VRTN: variants seen among roughly 807,000 people sequenced by gnomAD.
VRTN encodes vertnin.
VRTN carries 5 observed loss-of-function variants against 18.2 expected under a neutral mutation model. The observed-to-expected ratio is 0.27, with a 90% CI of 0.14 to 0.58. The LOEUF is 0.58. VRTN is among the 20% of genes least tolerant of loss of function. The pLI is 0.91. For synonymous variants in VRTN, 381 were observed against 393.7 expected (o/e 0.97, Z 0.38); for missense variants, 741 against 939.4 (o/e 0.79, Z 2.76).
At chr14:74,354,265 G>C (rs1275477772) in intron 1 of VRTN, among the ~76,000 whole-genome samples, 1 of 152,104 alleles carries the variant, frequency 6.6e-6, no homozygotes, top group Non-Finnish European at 1.5e-5. Flanking sequence ...GAAAAAGGAG[G>C]AGTATTTTGA....
At chr14:74,338,504 T>TC (rs2085580010) in intron 2 of VRTN, among the ~76,000 whole-genome samples, 1 of 152,212 alleles carries the variant, frequency 6.6e-6, no homozygotes, top group Non-Finnish European at 1.5e-5. Context: ...TTGTGTGTCT[T>TC]CCACAGAGCT....
Position 74,340,191 on chromosome 14 carries a change from C to A in VRTN, c.-2+2307C>A, listed in dbSNP as rs536704342. ...GCAAGGGCACGATCTCAGCTCACCG[C>A]AACCTCCGCCTCCCAGGTTCAAGCG... On this transcript the variant is annotated intron_variant, in intron 2 of 2. Transcript: ENST00000557177. Among the ~76,000 whole-genome samples the A allele has an allele frequency of 4.8e-4, 73 of 151,682 alleles. 1 individual carries two copies. The highest frequency in any genetic ancestry group is 6.8e-4 in the Non-Finnish European group (46 of 67,972).
chr14:74,357,363 C>G lies in VRTN; in HGVS notation c.580C>G (p.Arg194Gly). The G allele has an allele frequency of 6.2e-7, 1 of 1,613,962 alleles. No individual in the cohort carries two copies. Among genetic ancestry groups the G allele is most frequent in the Non-Finnish European group, 8.5e-7 (1 of 1,180,032 alleles). The change falls in exon 2 of 2, where the codon CGC (arginine) becomes GGC (glycine). Residue 194 changes from arginine (R) to glycine (G), a missense_variant. Physicochemically the swap from Arg to Gly is moderately radical, Grantham distance 125. Around this residue, in one of 3 missense-constraint regions of VRTN, gnomAD observed 186 missense variants for 288.3 expected, o/e 0.65. Transcript: ENST00000256362. This position sits in a 1 kb window ranked among gnomAD's most constrained non-coding sequence, Gnocchi z 7.8. The part of the protein sequence containing the change: ...QRNIYSIYPM[R>G]NLKIRPYFNR... ...GAACATCTACTCCATCTACCCCATGCGCAACCTCAAGATCCGGCCCTACTT... is the reference window on the plus strand; with the variant it reads ...GAACATCTACTCCATCTACCCCATGGGCAACCTCAAGATCCGGCCCTACTT...
At position 74,309,476 on chromosome 14, in the gene VRTN, C is replaced by T. The variant is rs115319072; in HGVS notation, c.-164+6300C>T. Among the ~76,000 whole-genome samples the T allele has an allele frequency of 8.2e-3, 1,242 of 152,286 alleles. 10 individuals carry two copies. Among genetic ancestry groups the T allele is most frequent in the African/African-American group, 0.028 (1,180 of 41,552 alleles). ...GCACAAATGTAAACCAAATCAACAGCCCACTTAAAGCTCTTAAGTGATTCT... is the reference window on the plus strand; with the variant it reads ...GCACAAATGTAAACCAAATCAACAGTCCACTTAAAGCTCTTAAGTGATTCT... On this transcript the variant is annotated intron_variant, in intron 1 of 2. Coordinates refer to the VRTN transcript ENST00000557177.
At position 74,316,071 on chromosome 14, in the gene VRTN, TC is replaced by T. The variant is rs577200937; in HGVS notation, c.-164+12898del. On this transcript the variant is annotated intron_variant, in intron 1 of 2. Coordinates refer to the VRTN transcript ENST00000557177. The stretch of plus-strand genomic sequence containing the variant: ...GCTGAAGGCTGTCTGCTTACGGCAC[TC>T]CCAGCAGCTGGGGCAACAAGTCCTG... Among the ~76,000 whole-genome samples, 55 of 152,264 alleles carry T rather than the reference TC, an allele frequency of 3.6e-4. 1 individual carries two copies. The highest frequency in any genetic ancestry group is 6.8e-3 in the Middle Eastern group (2 of 294).
intron 1 of VRTN, among the ~76,000 whole-genome samples, chr14:74,322,001 C>A (rs1027701637): frequency 2.0e-5 from 3 of 151,906 alleles, no homozygotes; most frequent in Admixed American, 1.3e-4. Flanking sequence ...CCACCACACC[C>A]AGCTAATTTT....
In VRTN at chr14:74,358,010, G is replaced by A. The variant is rs2085745813; in HGVS notation, c.1227G>A (p.Leu409=). The change falls in exon 2 of 2, where the codon CTG becomes CTA. Residue 409 remains leucine, a synonymous_variant. Transcript: ENST00000256362. The surrounding 1 kb of genome is among the most constrained non-coding windows in gnomAD (Gnocchi z 5.4). ...TAATGCAGCGGGCCAAGTTGTACCT[G>A]GAGCATTGCATCTCCCTGAACACAC... ...MVLMQRAKLY[L]EHCISLNTLV... 4 of 1,614,194 alleles carry A rather than the reference G, an allele frequency of 2.5e-6. No homozygotes were observed. The highest frequency in any genetic ancestry group is 3.4e-6 in the Non-Finnish European group (4 of 1,180,020).
At chr14:74,335,082 G>A (rs935514347) in intron 1 of VRTN, among the ~76,000 whole-genome samples, 7 of 152,156 alleles carry the variant, frequency 4.6e-5, no homozygotes, top group Non-Finnish European at 4.4e-5. Flanking sequence ...AGGAGTTTGA[G>A]ACCAGCCTGG....
intron 1 of VRTN, among the ~76,000 whole-genome samples, chr14:74,352,322 G>T (rs1160090251): frequency 6.6e-6 from 1 of 151,878 alleles, no homozygotes; most frequent in East Asian, 1.9e-4. Flanking sequence ...GGGATAACAG[G>T]CACCTGCCAC....
At chr14:74,311,154 A>G (rs973768389) in intron 1 of VRTN, among the ~76,000 whole-genome samples, 1 of 152,216 alleles carries the variant, frequency 6.6e-6, no homozygotes, top group Non-Finnish European at 1.5e-5. Flanking sequence ...TCCATGCCCT[A>G]TTGTTTCATT....
At chr14:74,306,359 G>C (rs1038397379) in intron 1 of VRTN, 14 of 151,020 alleles carry the variant, frequency 9.3e-5, no homozygotes, top group African/African-American at 3.2e-4. Flanking sequence ...TTGTAGAGAA[G>C]GCAGGGGTTG....
intron 1 of VRTN, 22 bp from the exon 2 acceptor site, chr14:74,356,761 C>G: frequency 6.4e-7 from 1 of 1,564,058 alleles, no homozygotes. Context: ...GACTACTGCC[C>G]CTTTATCTTT....
intron 1 of VRTN, among the ~76,000 whole-genome samples, chr14:74,321,479 C>T (rs1595165343): frequency 6.6e-6 from 1 of 151,682 alleles, no homozygotes; most frequent in Non-Finnish European, 1.5e-5. Context: ...GGCTCCAGAG[C>T]CCACATTCTT....
chr14:74,310,467 T>C (rs1273865446), intron 1 of VRTN, among the ~76,000 whole-genome samples: 1 of 150,374 alleles, frequency 6.7e-6, no homozygotes, highest in African/African-American at 2.4e-5. Context: ...CAGAGCCGGA[T>C]TGCATGGGTT....
chr14:74,324,972 C>T (rs1193747877), intron 1 of VRTN, among the ~76,000 whole-genome samples: 1 of 151,944 alleles, frequency 6.6e-6, no homozygotes, highest in Non-Finnish European at 1.5e-5. Flanking sequence ...TTAGAGTTTC[C>T]CCAAATGAGC....
intron 1 of VRTN, among the ~76,000 whole-genome samples, chr14:74,307,288 C>G (rs1315320260): frequency 6.6e-6 from 1 of 151,714 alleles, no homozygotes; most frequent in African/African-American, 2.4e-5. Flanking sequence ...GCCACCACGC[C>G]CGGCTAATTT....
chr14:74,317,812 C>G (rs533891301), intron 1 of VRTN, among the ~76,000 whole-genome samples: 3 of 151,038 alleles, frequency 2.0e-5, no homozygotes, highest in African/African-American at 7.3e-5. Context: ...CAAAGAAAAA[C>G]AAAAAAACAA....
At chr14:74,350,168 G>A (rs2085674643) in intron 1 of VRTN, among the ~76,000 whole-genome samples, 1 of 152,104 alleles carries the variant, frequency 6.6e-6, no homozygotes, top group Non-Finnish European at 1.5e-5. Context: ...AAGAGTGATA[G>A]GCTTCCCCGT....
chr14:74,315,060 G>A (rs377619972), intron 1 of VRTN, among the ~76,000 whole-genome samples: 18 of 152,182 alleles, frequency 1.2e-4, no homozygotes, highest in African/African-American at 4.3e-4. Flanking sequence ...AGGAAGGGAA[G>A]CAGGAGAAAG....
Sources: allele counts gnomAD v4.1 joint callset (sites outside exome capture counted in the v4.1 genomes callset), GRCh38; gene constraint gnomAD v4.1.1; regional missense constraint gnomAD v4.1.1; non-coding constraint Gnocchi (gnomAD v3.1); transcripts MANE v1.5; gene names NCBI Gene and HGNC (gene_info 2026-07-23, HGNC 2026-07-21).